CDH13: variants seen among roughly 807,000 people sequenced by gnomAD.
The protein encoded by CDH13 is cadherin 13, also known as cadherin-13.
Under a neutral mutation model 63.8 loss-of-function variants are expected in CDH13, and 24 were observed. That is an observed-to-expected ratio of 0.38 (90% CI 0.27 to 0.53). The LOEUF is 0.53. CDH13 is among the 20% of genes least tolerant of loss of function. The pLI, the probability that CDH13 is intolerant of heterozygous loss-of-function variation, is 0.85. For synonymous variants in CDH13, 503 were observed against 355.3 expected (o/e 1.42, Z -4.67); for missense variants, 1,049 against 903.1 (o/e 1.16, Z -2.07).
chr16:82,655,726 A>G (rs1911220102), intron 1 of CDH13, among the ~76,000 whole-genome samples: 1 of 152,188 alleles, frequency 6.6e-6, no homozygotes, highest in South Asian at 2.1e-4. Context: ...TGTTAATTTT[A>G]CATATATATT....
intron 1 of CDH13, among the ~76,000 whole-genome samples, chr16:82,633,704 C>T (rs772909854): frequency 6.6e-6 from 1 of 152,184 alleles, no homozygotes; most frequent in Non-Finnish European, 1.5e-5. Flanking sequence ...AGGACACTGT[C>T]ACATCCTAGC....
chr16:82,920,628 CTG>C (rs908083235), intron 2 of CDH13, among the ~76,000 whole-genome samples: 2 of 152,218 alleles, frequency 1.3e-5, no homozygotes, highest in African/African-American at 4.8e-5. Context: ...GCAGGCCCCA[CTG>C]TGGATGGTGC....
At chr16:82,909,162 GTTA>G (rs2041745073) in intron 2 of CDH13, among the ~76,000 whole-genome samples, 1 of 151,728 alleles carries the variant, frequency 6.6e-6, no homozygotes, top group African/African-American at 2.4e-5. Flanking sequence ...TAGTTGCATT[GTTA>G]TTTTTATTGT....
chr16:82,924,943 G>C (rs1244131223), intron 2 of CDH13, among the ~76,000 whole-genome samples: 1 of 152,084 alleles, frequency 6.6e-6, no homozygotes, highest in Non-Finnish European at 1.5e-5. Flanking sequence ...AAAAAAAATA[G>C]ATGTTTATTT....
rs570749965 is a variant in CDH13 at position 83,709,415 on chromosome 16, G to A, written c.1538+30954G>A. On this transcript the variant is annotated intron_variant, in intron 10 of 13. Transcript: ENST00000567109. The stretch of plus-strand genomic sequence containing the variant: ...AGCGGACTCCCTCTATAATCAGTAC[G>A]GTCCATTCAGCATTCATCCATGCAC... Among the ~76,000 whole-genome samples the A allele has an allele frequency of 1.2e-4, 18 of 152,246 alleles. No homozygotes were observed. The South Asian group carries it at 3.1e-3, about 26-fold the overall frequency.
At chr16:83,511,324 T>C (rs2074559267) in intron 7 of CDH13, among the ~76,000 whole-genome samples, 1 of 152,076 alleles carries the variant, frequency 6.6e-6, no homozygotes, top group Non-Finnish European at 1.5e-5. Context: ...TAGCCAGGTG[T>C]AGTGGCAGGT....
intron 3 of CDH13, among the ~76,000 whole-genome samples, chr16:83,038,368 C>G (rs1393434723): frequency 6.6e-6 from 1 of 152,124 alleles, no homozygotes; most frequent in African/African-American, 2.4e-5. Flanking sequence ...TAATGGGCTT[C>G]CCAGAATCTA....
At chr16:83,652,845 G>A (rs1390999870) in intron 8 of CDH13, among the ~76,000 whole-genome samples, 5 of 152,184 alleles carry the variant, frequency 3.3e-5, no homozygotes, top group Admixed American at 3.3e-4. Context: ...AAAACTTGCA[G>A]ATGTGAACAT....
intron 1 of CDH13, among the ~76,000 whole-genome samples, chr16:82,737,504 T>C (rs1284763227): frequency 6.6e-6 from 1 of 152,256 alleles, no homozygotes; most frequent in Admixed American, 6.5e-5. Flanking sequence ...GGTGGTCTGA[T>C]GACTTGTTTC....
At chr16:82,884,142 C>CGCTGTTTCTTTCCTTAT in intron 2 of CDH13, 1 of 450,996 alleles carries the variant, frequency 2.2e-6, no homozygotes, top group Non-Finnish European at 4.4e-6. Flanking sequence ...TCTGCATGCA[C>CGCTGTTTCTTTCCTTAT]GCTGTTTCTT....
At chr16:83,285,319 T>A (rs2089281730) in intron 5 of CDH13, among the ~76,000 whole-genome samples, 1 of 152,102 alleles carries the variant, frequency 6.6e-6, no homozygotes, top group Non-Finnish European at 1.5e-5. Flanking sequence ...TTTTATTATT[T>A]TTGTCCATTT....
At chr16:83,471,035 C>G (rs985761842) in intron 6 of CDH13, among the ~76,000 whole-genome samples, 41 of 152,062 alleles carry the variant, frequency 2.7e-4, no homozygotes, top group African/African-American at 9.7e-4. Flanking sequence ...TGTGGCGTCT[C>G]CAGATATCTT....
At chr16:83,002,305 A>G (rs1006618412) in intron 2 of CDH13, among the ~76,000 whole-genome samples, 3 of 152,232 alleles carry the variant, frequency 2.0e-5, no homozygotes, top group African/African-American at 7.2e-5. Flanking sequence ...AGAAGGCCAT[A>G]TGAATACGGA....
At chr16:82,698,409 A>C (rs1462605797) in intron 1 of CDH13, among the ~76,000 whole-genome samples, 1 of 152,226 alleles carries the variant, frequency 6.6e-6, no homozygotes, top group Non-Finnish European at 1.5e-5. Context: ...TTGCTCTGTG[A>C]CAGACAACTA....
intron 10 of CDH13, among the ~76,000 whole-genome samples, chr16:83,685,563 G>A (rs796294381): frequency 4.6e-5 from 7 of 152,332 alleles, no homozygotes; most frequent in African/African-American, 1.2e-4. Flanking sequence ...GAAAGAAATA[G>A]TCTCTGTCTG....
intron 6 of CDH13, among the ~76,000 whole-genome samples, chr16:83,475,893 G>T (rs966333164): frequency 6.6e-6 from 1 of 152,114 alleles, no homozygotes; most frequent in Non-Finnish European, 1.5e-5. Flanking sequence ...CCTATGGTCT[G>T]TGTTTTTAAA....
chr16:83,440,698 T>C (rs1485753534), intron 6 of CDH13, among the ~76,000 whole-genome samples: 1 of 151,172 alleles, frequency 6.6e-6, no homozygotes, highest in Non-Finnish European at 1.5e-5. Context: ...GGCAGGAGAA[T>C]TGCTTGAACC....
chr16:83,456,312 C>G (rs903596353), intron 6 of CDH13, among the ~76,000 whole-genome samples: 2 of 152,172 alleles, frequency 1.3e-5, no homozygotes, highest in African/African-American at 2.4e-5. Flanking sequence ...GACCTAGAGA[C>G]AGGAAAGGGA....
chr16:82,718,743 C>A (rs1045110383), intron 1 of CDH13, among the ~76,000 whole-genome samples: 1 of 152,066 alleles, frequency 6.6e-6, no homozygotes, highest in Admixed American at 6.5e-5. Context: ...CATCAGATCT[C>A]GTGAGACGAT....
Sources: allele counts gnomAD v4.1 joint callset (sites outside exome capture counted in the v4.1 genomes callset), GRCh38; gene constraint gnomAD v4.1.1; transcripts MANE v1.5; gene names NCBI Gene and HGNC (gene_info 2026-07-23, HGNC 2026-07-21).